Variants in TARS1 observed in about 807,000 individuals in gnomAD.
TARS1 encodes the protein threonyl-tRNA synthetase 1.
In TARS1, 57 loss-of-function variants were observed where a neutral mutation model predicts 97.7. That is an observed-to-expected ratio of 0.58 (90% CI 0.47 to 0.73). TARS1 has a LOEUF of 0.73. TARS1 is among the 30% of genes least tolerant of loss of function. TARS1 has a pLI of 0.00. For missense variants in TARS1, 806 were observed against 888.3 expected, an observed-to-expected ratio of 0.91 and a Z score of 1.18; for synonymous variants, 312 against 293.7, an observed-to-expected ratio of 1.06 and a Z score of -0.64.
intron 9 of TARS1, 124 bp downstream of exon 9, chr5:33,457,527 T>C: frequency 9.9e-7 from 1 of 1,006,268 alleles, no homozygotes. Flanking sequence ...TTTTAGTAAC[T>C]GGTGCTATGT....
In TARS1 at chr5:33,458,673, T is replaced by C; in HGVS notation, c.1083+9T>C. Reference sequence around the variant, plus strand: ...TTATTGAATTCATTAGGGTAAGTCATATTTATTGCTTTCTTCTTTAGATTT... The same window carrying C: ...TTATTGAATTCATTAGGGTAAGTCACATTTATTGCTTTCTTCTTTAGATTT... On this transcript the variant is annotated intron_variant, in intron 10 of 18. Transcript: ENST00000265112. 2 of 1,590,692 alleles carry C rather than the reference T, an allele frequency of 1.3e-6. No individual in the cohort carries two copies. Among genetic ancestry groups the C allele is most frequent in the Middle Eastern group, 1.7e-4 (1 of 5,984 alleles).
At chr5:33,453,962 T>C (rs1046456709) in intron 4 of TARS1, among the ~76,000 whole-genome samples, 4 of 152,118 alleles carry the variant, frequency 2.6e-5, no homozygotes, top group African/African-American at 9.7e-5. Flanking sequence ...TCAAGTGATC[T>C]GCCCACCTCG....
chr5:33,457,531 G>T, intron 9 of TARS1, 128 bp downstream of exon 9: 1 of 972,988 alleles, frequency 1.0e-6, no homozygotes, highest in South Asian at 1.6e-5. Context: ...AGTAACTGGT[G>T]CTATGTCCTG....
intron 16 of TARS1, among the ~76,000 whole-genome samples, chr5:33,462,613 T>C (rs974000900): frequency 1.3e-5 from 2 of 152,210 alleles, no homozygotes; most frequent in Non-Finnish European, 2.9e-5. Flanking sequence ...CAAGCAGGTA[T>C]TTGGACATGT....
chr5:33,455,979 A>G, intron 6 of TARS1, 23 bp from the exon 7 acceptor site: 1 of 1,608,182 alleles, frequency 6.2e-7, no homozygotes, highest in Non-Finnish European at 8.5e-7. Context: ...GTTTTTTAAA[A>G]TAATAATTTT....
At chr5:33,445,292 A>G in intron 1 of TARS1, 32 bp from the exon 2 acceptor site, 1 of 1,567,600 alleles carries the variant, frequency 6.4e-7, no homozygotes, top group Non-Finnish European at 8.7e-7. Context: ...GTCACATTAG[A>G]TTAAAATATA....
At chr5:33,456,718 G>C (rs1742034229) in intron 8 of TARS1, among the ~76,000 whole-genome samples, 2 of 151,992 alleles carry the variant, frequency 1.3e-5, no homozygotes, top group African/African-American at 4.8e-5. Flanking sequence ...AAATGCCTTT[G>C]CAGGCAAAGT....
At chr5:33,452,017 A>C (rs926236986) in intron 3 of TARS1, among the ~76,000 whole-genome samples, 2 of 152,200 alleles carry the variant, frequency 1.3e-5, no homozygotes, top group Non-Finnish European at 2.9e-5. Context: ...CCTATGGTAA[A>C]GTTAGTAGGA....
intron 9 of TARS1, 123 bp from the exon 10 acceptor site, chr5:33,458,443 G>A: frequency 1.5e-6 from 1 of 671,670 alleles, no homozygotes; most frequent in East Asian, 3.0e-5. Flanking sequence ...TTCAGGAGTG[G>A]CACTGATTGA....
intron 1 of TARS1, chr5:33,441,693 C>G (rs998489466): frequency 2.1e-5 from 3 of 144,706 alleles, no homozygotes; most frequent in Admixed American, 2.0e-4. Context: ...CCCAGTTCCC[C>G]GACTTTGAGG....
chr5:33,441,349 T>C (rs1428637066), intron 1 of TARS1: 2 of 594,446 alleles, frequency 3.4e-6, no homozygotes, highest in Non-Finnish European at 6.0e-6. Flanking sequence ...TTGCAGTTCA[T>C]CTGTGGGTCC....
chr5:33,442,162 C>G (rs1194648322), intron 1 of TARS1, among the ~76,000 whole-genome samples: 1 of 152,138 alleles, frequency 6.6e-6, no homozygotes, highest in African/African-American at 2.4e-5. Flanking sequence ...CAGGACAGTT[C>G]ACTTAAAAGC....
intron 3 of TARS1, among the ~76,000 whole-genome samples, chr5:33,449,942 T>A (rs1741647652): frequency 7.0e-6 from 1 of 143,860 alleles, no homozygotes; most frequent in South Asian, 2.2e-4. Flanking sequence ...TAACTTTATA[T>A]ACATACATAA....
chr5:33,448,039 C>T (rs1031143636), intron 2 of TARS1, among the ~76,000 whole-genome samples: 13 of 152,192 alleles, frequency 8.5e-5, no homozygotes, highest in African/African-American at 3.1e-4. Flanking sequence ...TAATTACATA[C>T]TCCAAGCTGA....
At chr5:33,452,485 A>T in intron 3 of TARS1, 4 of 1,429,684 alleles carry the variant, frequency 2.8e-6, no homozygotes, top group Non-Finnish European at 3.8e-6. Context: ...TCTGACCTGT[A>T]CTGCTTTCCC....
intron 4 of TARS1, among the ~76,000 whole-genome samples, chr5:33,453,936 T>C (rs1741884958): frequency 6.6e-6 from 1 of 152,092 alleles, no homozygotes; most frequent in Non-Finnish European, 1.5e-5. Flanking sequence ...GCCAGGCTGG[T>C]CTTGAACTCC....
At position 33,441,108 on chromosome 5, in the gene TARS1, A is replaced by T. The variant is rs1741065761; in HGVS notation, c.22A>T (p.Ser8Cys). The change falls in exon 1 of 19, where the codon AGT (serine) becomes TGT (cysteine). Residue 8 changes from serine to cysteine, a missense_variant. Ser to Cys is a moderately radical substitution (Grantham distance 112, BLOSUM62 -1). Coordinates refer to ENST00000265112, the MANE Select transcript of TARS1 (RefSeq NM_152295.5). ...GCCAATGTTTGAGGAGAAGGCCAGC[A>T]GTCCTTCAGGGAAGATGGGAGGCGA... The part of the protein sequence containing the change: MFEEKAS[S>C]PSGKMGGEEK... 6.2e-7 allele frequency: 1 copy of T among 1,614,250 alleles called. No homozygotes were observed. Among genetic ancestry groups the T allele is most frequent in the East Asian group, 2.2e-5 (1 of 44,884 alleles).
At chr5:33,445,498 G>T (rs1250970115) in intron 2 of TARS1, 94 bp downstream of exon 2, 1 of 1,035,844 alleles carries the variant, frequency 9.7e-7, no homozygotes, top group Non-Finnish European at 1.5e-6. Flanking sequence ...GGTTCTAATG[G>T]TTTACATGGT....
At chr5:33,453,722 A>T (rs1172011940) in intron 4 of TARS1, among the ~76,000 whole-genome samples, 2 of 144,646 alleles carry the variant, frequency 1.4e-5, no homozygotes, top group Non-Finnish European at 3.1e-5. Flanking sequence ...TTTTATTTTA[A>T]TTTTTTTTTT....
Sources: gnomAD v4.1 joint callset for allele counts (sites outside exome capture counted in the v4.1 genomes callset) on GRCh38, gnomAD v4.1.1 for gene constraint, MANE v1.5 for transcripts, NCBI Gene and HGNC (gene_info 2026-07-23, HGNC 2026-07-21) for gene names.